Variants in SEMA6A observed in about 807,000 individuals in gnomAD.
SEMA6A encodes semaphorin 6A, also known as semaphorin-6A.
Under a neutral mutation model 96.8 loss-of-function variants are expected in SEMA6A, and 25 were observed. The ratio of observed to expected loss-of-function variants is 0.26; its 90% CI spans 0.19 to 0.36. The LOEUF (loss-of-function observed/expected upper bound fraction) is 0.36, where lower values mean the gene tolerates loss of function less well. Ranked by LOEUF, SEMA6A falls within the 10% of genes least tolerant of loss-of-function variation. The probability of loss-of-function intolerance (pLI) is 1.00; values close to 1 mark genes in which losing one functional copy is unlikely to be tolerated. For synonymous variants in SEMA6A, 612 were observed against 518.0 expected, an observed-to-expected ratio of 1.18 and a Z score of -2.46; for missense variants, 1,363 against 1,323.1, an observed-to-expected ratio of 1.03 and a Z score of -0.47.
At chr5:116,469,716 C>A (rs986509539) in intron 17 of SEMA6A, among the ~76,000 whole-genome samples, 11 of 152,172 alleles carry the variant, frequency 7.2e-5, no homozygotes, top group African/African-American at 2.7e-4. Flanking sequence ...GAGAACATTT[C>A]TTAATACGGT....
chr5:116,513,274 T>C (rs796442398), intron 1 of SEMA6A, among the ~76,000 whole-genome samples: 5 of 152,156 alleles, frequency 3.3e-5, no homozygotes, highest in African/African-American at 1.2e-4. Flanking sequence ...ATTATAGGCA[T>C]ACATCACCAT....
At chr5:116,524,594 G>T (rs1425054819) in intron 1 of SEMA6A, among the ~76,000 whole-genome samples, 1 of 151,202 alleles carries the variant, frequency 6.6e-6, no homozygotes, top group African/African-American at 2.4e-5. Context: ...GAGGGCAGCT[G>T]TCAGACCTTT....
chr5:116,513,041 G>A (rs548703535), intron 1 of SEMA6A, among the ~76,000 whole-genome samples: 23 of 152,082 alleles, frequency 1.5e-4, no homozygotes, highest in African/African-American at 5.1e-4. Flanking sequence ...ATATATTTAC[G>A]GGGTACATGA....
At position 116,495,396 on chromosome 5, in the gene SEMA6A, C is replaced by G. The variant is rs32972; in HGVS notation, c.444+17G>C. On this transcript the variant is annotated intron_variant, in intron 6 of 18. Coordinates refer to ENST00000343348, the MANE Select transcript of SEMA6A (RefSeq NM_020796.5). The stretch of plus-strand genomic sequence containing the variant: ...TGCCTCCTGGCAGTGTGGTTCCAAC[C>G]GACAAATAGCATTTACCTTATAGTT... 16 of 1,580,260 alleles carry G rather than the reference C, an allele frequency of 1.0e-5. No homozygotes were observed. In the East Asian group the frequency reaches 2.7e-4, roughly 27 times the overall value.
intron 1 of SEMA6A, among the ~76,000 whole-genome samples, chr5:116,542,039 G>C (rs1759993100): frequency 6.6e-6 from 1 of 152,168 alleles, no homozygotes; most frequent in African/African-American, 2.4e-5. Context: ...TGTTATCTAA[G>C]GACTCTGTCC....
At chr5:116,475,507 T>C in intron 16 of SEMA6A, 38 bp downstream of exon 16, 1 of 1,475,742 alleles carries the variant, frequency 6.8e-7, no homozygotes, top group Non-Finnish European at 9.3e-7. Flanking sequence ...GAAAGCATCT[T>C]TGCCCAAAGA....
At chr5:116,501,790 G>A (rs1300839623) in intron 3 of SEMA6A, among the ~76,000 whole-genome samples, 1 of 152,170 alleles carries the variant, frequency 6.6e-6, no homozygotes, top group Non-Finnish European at 1.5e-5. Flanking sequence ...GGGAGGCTGA[G>A]GCAAGAGAAT....
chr5:116,542,558 C>T (rs1190655465), intron 1 of SEMA6A, among the ~76,000 whole-genome samples: 1 of 152,200 alleles, frequency 6.6e-6, no homozygotes, highest in Non-Finnish European at 1.5e-5. Flanking sequence ...ATGGGCCATA[C>T]ATCTACTGCA....
At chr5:116,457,789 A>G (rs536886020) in intron 18 of SEMA6A, among the ~76,000 whole-genome samples, 2 of 152,302 alleles carry the variant, frequency 1.3e-5, no homozygotes, top group East Asian at 1.9e-4. Flanking sequence ...TGAGGTTCAC[A>G]TGGCTCCTTT....
chr5:116,482,166 C>T (rs1293571557), intron 11 of SEMA6A, among the ~76,000 whole-genome samples: 4 of 152,212 alleles, frequency 2.6e-5, no homozygotes, highest in African/African-American at 9.6e-5. Context: ...CTCCAGGCCT[C>T]AGTTTTCCCA....
chr5:116,467,880 T>TTTG, intron 17 of SEMA6A, 133 bp from the exon 18 acceptor site: 7 of 731,040 alleles, frequency 9.6e-6, no homozygotes, highest in African/African-American at 4.8e-5. Context: ...ATGACACGGC[T>TTTG]TAGTGGTGGT....
intron 16 of SEMA6A, among the ~76,000 whole-genome samples, chr5:116,473,661 A>G (rs1580403007): frequency 6.6e-6 from 1 of 152,326 alleles, no homozygotes; most frequent in African/African-American, 2.4e-5. Context: ...AGCCTCTAAC[A>G]CTGGCTCTTT....
chr5:116,558,370 TG>T lies in SEMA6A; in HGVS notation c.-39+15814del, dbSNP rs1760686826. On this transcript the variant is annotated intron_variant, in intron 1 of 18. Transcript: ENST00000343348. ...TTACATAGGTATATATGTGCCACGG[TG>T]GTTTGCTGCACCTATCAATCCATCA... Among the ~76,000 whole-genome samples the T allele has an allele frequency of 1.3e-5, 2 of 152,304 alleles. 1 individual carries two copies. The highest frequency in any genetic ancestry group is 4.2e-4 in the South Asian group (2 of 4,818).
chr5:116,536,985 A>AC, intron 1 of SEMA6A, among the ~76,000 whole-genome samples: 1 of 152,036 alleles, frequency 6.6e-6, no homozygotes, highest in African/African-American at 2.4e-5. Context: ...GGAAAGATGG[A>AC]CATTGTATTA....
At chr5:116,512,498 G>A (rs1320622897) in intron 1 of SEMA6A, among the ~76,000 whole-genome samples, 2 of 152,134 alleles carry the variant, frequency 1.3e-5, no homozygotes, top group African/African-American at 4.8e-5. Context: ...TATCGACTGG[G>A]TGTAATAGAT....
In SEMA6A at chr5:116,444,494, T is replaced by C. The variant is rs1754066844; in HGVS notation, c.*2119A>G. On this transcript the variant is annotated 3_prime_UTR_variant, in exon 19 of 19. Coordinates refer to ENST00000343348, the MANE Select transcript of SEMA6A (RefSeq NM_020796.5). ...AAAAGCAGACAAAGAGACCACCAAA[T>C]ATACTGTTTAAAAAAACAACAACAA... is the stretch of plus-strand genomic sequence containing the variant. The C allele has an allele frequency of 6.6e-6, 1 of 152,028 alleles. No individual in the cohort carries two copies. Among genetic ancestry groups the C allele is most frequent in the Non-Finnish European group, 1.5e-5 (1 of 67,922 alleles). 9.4% of individuals were successfully genotyped at this position (152,028 alleles called of 1,614,324 possible). A position where few individuals can be genotyped will look rare whatever the true frequency, so the allele number is the denominator to read the frequency against.
intron 1 of SEMA6A, among the ~76,000 whole-genome samples, chr5:116,552,926 T>A (rs907631967): frequency 6.6e-6 from 1 of 152,132 alleles, no homozygotes; most frequent in Non-Finnish European, 1.5e-5. Context: ...GGCGATCCTG[T>A]CTCCAGGAGA....
At chr5:116,572,443 G>C (rs986419715) in intron 1 of SEMA6A, among the ~76,000 whole-genome samples, 4 of 152,230 alleles carry the variant, frequency 2.6e-5, no homozygotes, top group African/African-American at 9.6e-5. Flanking sequence ...GGAAGTGCTT[G>C]CCCCGGCTGT....
At position 116,495,512 on chromosome 5, in the gene SEMA6A, A is replaced by C; in HGVS notation, c.345T>G (p.Asp115Glu). ...GAACTTTAATAAAGTTGTGGCACTC[A>C]TCCTGAAAAATAATTCAAACTGTTT... ...DTCRMKGKHK[D>E]ECHNFIKVLL... Residue 115 changes from aspartate to glutamate, a missense_variant and splice_region_variant, in exon 6 of 19, where the codon GAT becomes GAG. Around this residue, in one of 2 missense-constraint regions of SEMA6A, gnomAD observed 480 missense variants for 559.5 expected, o/e 0.86. Coordinates refer to ENST00000343348, the MANE Select transcript of SEMA6A (RefSeq NM_020796.5). 2.5e-6 allele frequency: 4 copies of C among 1,581,536 alleles called. No individual in the cohort carries two copies. The highest frequency in any genetic ancestry group is 3.4e-6 in the Non-Finnish European group (4 of 1,159,884).
Sources: allele counts gnomAD v4.1 joint callset (sites outside exome capture counted in the v4.1 genomes callset), GRCh38; gene constraint gnomAD v4.1.1; regional missense constraint gnomAD v4.1.1; transcripts MANE v1.5; gene names NCBI Gene and HGNC (gene_info 2026-07-23, HGNC 2026-07-21).